The following PBX1 variants were observed in gnomAD, a reference collection of about 807,000 sequenced individuals.
The protein encoded by PBX1 is PBX homeobox 1, also known as pre-B-cell leukemia transcription factor 1.
Under a neutral mutation model 53.4 loss-of-function variants are expected in PBX1, and 6 were observed. The ratio of observed to expected loss-of-function variants is 0.11; its 90% CI spans 0.06 to 0.22. PBX1 has a LOEUF of 0.22. Among genes scored for constraint, PBX1 ranks in the 10% least tolerant of loss-of-function variants. The pLI, the probability that PBX1 is intolerant of heterozygous loss-of-function variation, is 1.00. For synonymous variants in PBX1, 204 were observed against 212.3 expected (o/e 0.96, Z 0.34); for missense variants, 251 against 551.4 (o/e 0.46, Z 5.46).
intron 2 of PBX1, among the ~76,000 whole-genome samples, chr1:164,872,130 A>G (rs2102455750): frequency 6.6e-6 from 1 of 152,340 alleles, no homozygotes. Context: ...ACAAGATTTT[A>G]CAGATGATTT....
intron 2 of PBX1, among the ~76,000 whole-genome samples, chr1:164,730,289 T>G (rs1664907855): frequency 6.6e-6 from 1 of 152,168 alleles, no homozygotes; most frequent in East Asian, 1.9e-4. Context: ...GCAGATCAGT[T>G]ACCTGAAGCT....
rs528838517 is a variant in PBX1, at chr1:164,615,494, A to G, written c.265+52183A>G. On this transcript the variant is annotated intron_variant, in intron 2 of 8. Transcript: ENST00000420696. ...GTTCAGGTGTAATATTCCTGATTTT[A>G]TACTGTGGTGATTCCCTATAGATGA... is the stretch of plus-strand genomic sequence containing the variant. Among the ~76,000 whole-genome samples, 78 of 151,852 alleles carry G rather than the reference A, an allele frequency of 5.1e-4. 1 individual carries two copies. Among genetic ancestry groups the G allele is most frequent in the Middle Eastern group, 6.8e-3 (2 of 292 alleles).
At chr1:164,715,460 G>A (rs1481320394) in intron 2 of PBX1, among the ~76,000 whole-genome samples, 1 of 152,120 alleles carries the variant, frequency 6.6e-6, no homozygotes, top group South Asian at 2.1e-4. Flanking sequence ...GCAGGAGTTG[G>A]TGTATTCTTA....
chr1:164,595,192 A>T (rs1201396389), intron 2 of PBX1, among the ~76,000 whole-genome samples: 1 of 152,162 alleles, frequency 6.6e-6, no homozygotes, highest in Non-Finnish European at 1.5e-5. Context: ...AAGAAATGGG[A>T]TTTCTGCTTT....
chr1:164,868,935 G>T (rs1672283658), intron 2 of PBX1, among the ~76,000 whole-genome samples: 1 of 152,320 alleles, frequency 6.6e-6, no homozygotes, highest in African/African-American at 2.4e-5. Context: ...CAGAGTCAGT[G>T]GTTCTCCAAG....
At chr1:164,650,754 G>C (rs1659755615) in intron 2 of PBX1, among the ~76,000 whole-genome samples, 1 of 151,948 alleles carries the variant, frequency 6.6e-6, no homozygotes, top group Admixed American at 6.6e-5. Context: ...AGCTCATGCT[G>C]CTCTGCCGTC....
At chr1:164,766,206 G>A (rs1254076017) in intron 2 of PBX1, among the ~76,000 whole-genome samples, 1 of 152,176 alleles carries the variant, frequency 6.6e-6, no homozygotes, top group East Asian at 1.9e-4. Flanking sequence ...AGGGTGAAGG[G>A]AATCTAGAAG....
chr1:164,796,833 TCAG>T (rs1668809928), intron 3 of PBX1, among the ~76,000 whole-genome samples: 1 of 152,216 alleles, frequency 6.6e-6, no homozygotes, highest in Non-Finnish European at 1.5e-5. Flanking sequence ...TGAGAAACAT[TCAG>T]CATGTGAGGG....
At chr1:164,874,245 C>G (rs1390376622) in intron 2 of PBX1, among the ~76,000 whole-genome samples, 1 of 152,144 alleles carries the variant, frequency 6.6e-6, no homozygotes, top group Non-Finnish European at 1.5e-5. Flanking sequence ...ACCATCATAG[C>G]CAGGGATTAG....
intron 2 of PBX1, among the ~76,000 whole-genome samples, chr1:164,726,123 A>T (rs1192380257): frequency 6.6e-6 from 1 of 152,244 alleles, no homozygotes; most frequent in African/African-American, 2.4e-5. Context: ...AAAATTAAAA[A>T]TAATTTGTAG....
At position 164,586,501 on chromosome 1, in the gene PBX1, C is replaced by T. The variant is rs545783676; in HGVS notation, c.265+23190C>T. Among the ~76,000 whole-genome samples, 5 of 152,224 alleles carry T rather than the reference C, an allele frequency of 3.3e-5. No homozygotes were observed. In the South Asian group the frequency reaches 1.0e-3, roughly 32 times the overall value. ...TGAGTTGATAGGTAATGAGGGGGCA[C>T]CTCACTCAGAACAATTTCTTATCTG... is the stretch of plus-strand genomic sequence containing the variant. On this transcript the variant is annotated intron_variant, in intron 2 of 8. Coordinates refer to ENST00000420696, the MANE Select transcript of PBX1 (RefSeq NM_002585.4).
chr1:164,657,866 G>C (rs185700238), intron 2 of PBX1, among the ~76,000 whole-genome samples: 1 of 152,360 alleles, frequency 6.6e-6, no homozygotes, highest in East Asian at 1.9e-4. Flanking sequence ...TGCTGTGCAA[G>C]AAAGAAAGGT....
chr1:164,652,061 T>C (rs1350304122), intron 2 of PBX1: 2 of 151,222 alleles, frequency 1.3e-5, no homozygotes. Context: ...AAAGAGGAAA[T>C]CATCACTTTT....
chr1:164,848,298 GCTCTATCA>G lies in PBX1; in HGVS notation c.*1625_*1632del. On this transcript the variant is annotated 3_prime_UTR_variant, in exon 9 of 9. Coordinates refer to ENST00000420696, the MANE Select transcript of PBX1 (RefSeq NM_002585.4). ...AACCCTACCAGTTATAAAGATGGCA[GCTCTATCA>G]CTTGATTAAGTGGGAGGTGGTCAAA... 9.5e-7 allele frequency: 1 copy of G among 1,056,970 alleles called. No individual in the cohort carries two copies. Among genetic ancestry groups the G allele is most frequent in the Non-Finnish European group, 1.1e-6 (1 of 874,146 alleles). The allele number at this position is 1,056,970 out of a possible 1,614,324, so 65.5% of individuals were successfully genotyped here. A position where few individuals can be genotyped will look rare whatever the true frequency, so the allele number is the denominator to read the frequency against.
intron 2 of PBX1, among the ~76,000 whole-genome samples, chr1:164,614,179 G>A (rs561039388): frequency 6.6e-6 from 1 of 152,280 alleles, no homozygotes; most frequent in South Asian, 2.1e-4. Context: ...CTTGTGTGTG[G>A]AAGTACATGA....
At chr1:164,572,068 A>C (rs915617665) in intron 2 of PBX1, among the ~76,000 whole-genome samples, 9 of 151,138 alleles carry the variant, frequency 6.0e-5, no homozygotes, top group African/African-American at 2.2e-4. Context: ...TACCACACCC[A>C]GCTGATTTTT....
At chr1:164,743,292 T>A (rs1369009032) in intron 2 of PBX1, among the ~76,000 whole-genome samples, 1 of 152,232 alleles carries the variant, frequency 6.6e-6, no homozygotes, top group Non-Finnish European at 1.5e-5. Flanking sequence ...AGAATTTTGG[T>A]TGACTCTGAC....
chr1:164,727,482 T>TG (rs778059835), intron 2 of PBX1, among the ~76,000 whole-genome samples: 13 of 152,204 alleles, frequency 8.5e-5, no homozygotes, highest in Non-Finnish European at 1.8e-4. Context: ...TATAGTTCTT[T>TG]GGGGTATGTC....
In PBX1 at chr1:164,595,358, G is replaced by C. The variant is rs541878757; in HGVS notation, c.265+32047G>C. Reference sequence around the variant, plus strand: ...GTGAGCCAAGTGGGCAGTGGCAGTAGAGCAGTTTTCAGTAGTGGTCCCACG... The same window carrying C: ...GTGAGCCAAGTGGGCAGTGGCAGTACAGCAGTTTTCAGTAGTGGTCCCACG... On this transcript the variant is annotated intron_variant, in intron 2 of 8. Transcript: ENST00000420696. Among the ~76,000 whole-genome samples the C allele has an allele frequency of 2.4e-4, 36 of 152,330 alleles. No homozygotes were observed. The South Asian group carries it at 7.0e-3, about 30-fold the overall frequency.
Sources: gnomAD v4.1 joint callset for allele counts (sites outside exome capture counted in the v4.1 genomes callset) on GRCh38, gnomAD v4.1.1 for gene constraint, MANE v1.5 for transcripts, NCBI Gene and HGNC (gene_info 2026-07-23, HGNC 2026-07-21) for gene names.